ITGA5: variants seen among roughly 807,000 people sequenced by gnomAD.
ITGA5 encodes the protein integrin subunit alpha 5.
In ITGA5, 55 loss-of-function variants were observed where a neutral mutation model predicts 146.3. The ratio of observed to expected loss-of-function variants is 0.38; its 90% CI spans 0.30 to 0.47. The LOEUF is 0.47. Among genes scored for constraint, ITGA5 ranks in the 20% least tolerant of loss-of-function variants. The pLI, the probability that ITGA5 is intolerant of heterozygous loss-of-function variation, is 0.99. For missense variants in ITGA5, 1,131 were observed against 1,329.0 expected, an observed-to-expected ratio of 0.85 and a Z score of 2.32; for synonymous variants, 500 against 531.8, an observed-to-expected ratio of 0.94 and a Z score of 0.82.
At chr12:54,413,737 A>G (rs1955974948) in intron 1 of ITGA5, among the ~76,000 whole-genome samples, 1 of 152,232 alleles carries the variant, frequency 6.6e-6, no homozygotes, top group Non-Finnish European at 1.5e-5. Context: ...CTAGACCAGA[A>G]CAGCAGAGGT....
intron 1 of ITGA5, among the ~76,000 whole-genome samples, chr12:54,418,431 G>C (rs897660554): frequency 2.0e-5 from 3 of 151,990 alleles, no homozygotes; most frequent in East Asian, 1.9e-4. Context: ...CTGAGTTGAG[G>C]GGGGAGGGGA....
intron 6 of ITGA5, 106 bp from the exon 7 acceptor site, chr12:54,408,341 G>C: frequency 7.9e-7 from 1 of 1,262,186 alleles, no homozygotes; most frequent in Non-Finnish European, 1.1e-6. Context: ...TCAAGAAAGG[G>C]AAGCATGGGG....
At chr12:54,418,204 C>T (rs774796382) in intron 1 of ITGA5, among the ~76,000 whole-genome samples, 2 of 151,842 alleles carry the variant, frequency 1.3e-5, no homozygotes, top group Admixed American at 6.6e-5. Flanking sequence ...AAACCGCCCA[C>T]CCCCCTTCAC....
At chr12:54,413,968 G>A (rs143837640) in intron 1 of ITGA5, among the ~76,000 whole-genome samples, 143 of 152,334 alleles carry the variant, frequency 9.4e-4, no homozygotes, top group African/African-American at 3.3e-3. Context: ...ACACTCCTGG[G>A]GTGGCCTGAG....
At chr12:54,408,648 C>T (rs1269367246) in intron 6 of ITGA5, 108 bp downstream of exon 6, 5 of 1,010,836 alleles carry the variant, frequency 4.9e-6, no homozygotes, top group Non-Finnish European at 7.3e-6. Context: ...ATCGCTTGAA[C>T]CTGGGCAGCA....
chr12:54,403,590 C>T lies in ITGA5; in HGVS notation c.1776+35G>A. On this transcript the variant is annotated intron_variant, in intron 17 of 29. Transcript: ENST00000293379. This position sits in a 1 kb window ranked among gnomAD's most constrained non-coding sequence, Gnocchi z 4.9. ...CCCTCAGTTCTGTGTGGCCACCCTC[C>T]CTGGCCAGTCCACACCCCGCCCTCT... The T allele has an allele frequency of 6.3e-7, 1 of 1,597,040 alleles. No individual in the cohort carries two copies. The highest frequency in any genetic ancestry group is 1.1e-5 in the South Asian group (1 of 89,586).
At chr12:54,418,348 G>A (rs887877833) in intron 1 of ITGA5, among the ~76,000 whole-genome samples, 2 of 151,774 alleles carry the variant, frequency 1.3e-5, no homozygotes, top group African/African-American at 4.8e-5. Context: ...CAGAGATTGG[G>A]GGCGGAGGGA....
In ITGA5 at chr12:54,399,856, T is replaced by C. The variant is rs1955764095; in HGVS notation, c.2727+8A>G. The C allele has an allele frequency of 6.2e-7, 1 of 1,613,762 alleles. No individual in the cohort carries two copies. Among genetic ancestry groups the C allele is most frequent in the Non-Finnish European group, 8.5e-7 (1 of 1,179,626 alleles). On this transcript the variant is annotated splice_region_variant and intron_variant, in intron 26 of 29. Transcript: ENST00000293379. ...TTTGGTCCACACCTCATTCCCTGCC[T>C]GACTTACCAGGATCTGAGGTCCCGA... is the stretch of plus-strand genomic sequence containing the variant.
In ITGA5 at chr12:54,401,905, C is replaced by T. The variant is rs757803999; in HGVS notation, c.2227-50G>A. 1.0e-5 allele frequency: 16 copies of T among 1,599,032 alleles called. No homozygotes were observed. The South Asian group carries it at 1.7e-4, about 17-fold the overall frequency. ...AGGGCAGTTAGACTGTGTATTTCAC[C>T]CTCCCTCCGCACCTCACAGCTGTGC... On this transcript the variant is annotated intron_variant, in intron 21 of 29. Transcript: ENST00000293379. The surrounding 1 kb of genome is among the most constrained non-coding windows in gnomAD (Gnocchi z 5.0).
Position 54,405,286 on chromosome 12 carries a change from G to A in ITGA5, c.1105C>T (p.Leu369=), listed in dbSNP as rs1955849215. ...GGCTCTATGCCGGCTGGGTGCTGCA[G>A]GTAGACGTAGACCCTGCCCACCTCC... is the stretch of plus-strand genomic sequence containing the variant. The part of the protein sequence containing the change: ...PQEVGRVYVY[L]QHPAGIEPTP... Residue 369 remains leucine, a synonymous_variant, in exon 12 of 30, where the codon CTG becomes TTG. Coordinates refer to ENST00000293379, the MANE Select transcript of ITGA5 (RefSeq NM_002205.5). The A allele has an allele frequency of 1.9e-6, 3 of 1,613,746 alleles. No homozygotes were observed. Among genetic ancestry groups the A allele is most frequent in the Non-Finnish European group, 2.5e-6 (3 of 1,179,976 alleles).
In ITGA5 at chr12:54,403,013, C is replaced by G; in HGVS notation, c.1952G>C (p.Cys651Ser). The G allele has an allele frequency of 6.2e-7, 1 of 1,614,182 alleles. No homozygotes were observed. The highest frequency in any genetic ancestry group is 8.5e-7 in the Non-Finnish European group (1 of 1,180,040). Residue 651 changes from cysteine to serine, a missense_variant, in exon 19 of 30, where the codon TGT becomes TCT. Physicochemically the swap from Cys to Ser is moderately radical, Grantham distance 112. Transcript: ENST00000293379. The surrounding 1 kb of genome is among the most constrained non-coding windows in gnomAD (Gnocchi z 4.9). ...CACTTCCAGCTGCAGGTCAGGCACA[C>G]AGATGTTGTCTTCTCCACAGTCCAG... ...ILLDCGEDNI[C>S]VPDLQLEVFG...
Position 54,399,936 on chromosome 12 carries a change from C to T in ITGA5, c.2655G>A (p.Glu885=), listed in dbSNP as rs764349491. Residue 885 remains glutamate (E), a synonymous_variant, in exon 26 of 30, where the codon GAG becomes GAA. Transcript: ENST00000293379. ...INPKGLELDP[E]GSLHHQQKRE... is the part of the protein sequence containing the mutation. Reference sequence around the variant, plus strand: ...GTTTTTGCTGGTGGTGCAGGGAACCCTCGGGATCCAACTATAAAAGAAAGT... The same window carrying T: ...GTTTTTGCTGGTGGTGCAGGGAACCTTCGGGATCCAACTATAAAAGAAAGT... 5.0e-6 allele frequency: 8 copies of T among 1,613,762 alleles called. No individual in the cohort carries two copies. Among genetic ancestry groups the T allele is most frequent in the Non-Finnish European group, 6.8e-6 (8 of 1,179,794 alleles).
Position 54,419,162 on chromosome 12 carries a change from C to A in ITGA5, c.37G>T (p.Val13Leu), listed in dbSNP as rs762430573. The A allele has an allele frequency of 1.4e-4, 219 of 1,583,092 alleles. No homozygotes were observed. The highest frequency in any genetic ancestry group is 1.9e-4 in the Middle Eastern group (1 of 5,144). Residue 13 changes from valine (V) to leucine (L), a missense_variant, in exon 1 of 30, where the codon GTG becomes TTG. By Grantham distance (32) the Val-to-Leu change is conservative (BLOSUM62 1). This residue lies in a region of ITGA5 where 175 missense variants were observed against 179.3 expected (regional missense o/e 0.98). Transcript: ENST00000293379. ...SRTPESPLHA[V>L]QLRWGPRRRP... is the part of the protein sequence containing the mutation. ...CGCCGGGGGCCCCAGCGCAGCTGCACGGCGTGGAGAGGGGACTCTGGCGTC... is the reference window on the plus strand; with the variant it reads ...CGCCGGGGGCCCCAGCGCAGCTGCAAGGCGTGGAGAGGGGACTCTGGCGTC...
Position 54,403,279 on chromosome 12 carries a change from G to A in ITGA5, c.1822C>T (p.Leu608Phe), listed in dbSNP as rs746144783. ...RDKLSPIHIA[L>F]NFSLDPQAPV... ...GCTTGGGGGTCCAAGGAGAAGTTGA[G>A]AGCGATGTGAATCGGCGAGAGTTTG... The change falls in exon 18 of 30, where the codon CTC (leucine) becomes TTC (phenylalanine). Residue 608 changes from leucine (L) to phenylalanine (F), a missense_variant. Physicochemically the swap from Leu to Phe is conservative, Grantham distance 22. Transcript: ENST00000293379. The surrounding 1 kb of genome is among the most constrained non-coding windows in gnomAD (Gnocchi z 4.9). The A allele has an allele frequency of 8.3e-6, 13 of 1,559,332 alleles. No homozygotes were observed. Among genetic ancestry groups the A allele is most frequent in the East Asian group, 6.8e-5 (3 of 44,234 alleles).
In ITGA5 at chr12:54,409,630, G is replaced by T; in HGVS notation, c.350-33C>A. On this transcript the variant is annotated intron_variant, in intron 2 of 29. Transcript: ENST00000293379. This position sits in a 1 kb window ranked among gnomAD's most constrained non-coding sequence, Gnocchi z 4.7. Reference sequence around the variant, plus strand: ...AAGTGAGAAGGGGGAGTCTTACTGAGCCATGGACATTTGAGCTCTAGGGCA... The same window carrying T: ...AAGTGAGAAGGGGGAGTCTTACTGATCCATGGACATTTGAGCTCTAGGGCA... The T allele has an allele frequency of 6.8e-7, 1 of 1,478,736 alleles. No individual in the cohort carries two copies. Among genetic ancestry groups the T allele is most frequent in the Non-Finnish European group, 9.4e-7 (1 of 1,066,898 alleles). 91.6% of individuals were successfully genotyped at this position (1,478,736 alleles called of 1,614,324 possible).
chr12:54,402,583 C>T (rs1262156730), intron 19 of ITGA5, among the ~76,000 whole-genome samples: 1 of 151,962 alleles, frequency 6.6e-6, no homozygotes, highest in African/African-American at 2.4e-5. Flanking sequence ...CACCTGTAAT[C>T]CCAGCTACTT....
At chr12:54,407,757 C>A in intron 8 of ITGA5, 65 bp from the exon 9 acceptor site, 1 of 1,605,280 alleles carries the variant, frequency 6.2e-7, no homozygotes, top group South Asian at 1.1e-5. Flanking sequence ...TGGTAAGTGG[C>A]CAAGTTCATG....
Position 54,399,711 on chromosome 12 carries a change from G to A in ITGA5, c.2775C>T (p.Pro925=), listed in dbSNP as rs1051843978. 5 of 1,614,190 alleles carry A rather than the reference G, an allele frequency of 3.1e-6. No individual in the cohort carries two copies. Among genetic ancestry groups the A allele is most frequent in the Middle Eastern group, 1.6e-4 (1 of 6,062 alleles). Residue 925 remains proline, a synonymous_variant, in exon 27 of 30, where the codon CCC becomes CCT. Transcript: ENST00000293379. ...ECFRLRCELG[P]LHQQESQSLQ... ...GACTTTGGCTCTCTTGTTGGTGCAG[G>A]GGCCCGAGCTCACAGCGCAGCCTGA...
Position 54,400,980 on chromosome 12 carries a change from G to A in ITGA5, c.2509C>T (p.Pro837Ser). Residue 837 changes from proline (P) to serine (S), a missense_variant, in exon 25 of 30, where the codon CCC (proline) becomes TCC (serine). Transcript: ENST00000293379. ...AGCACACCCTGGCTAATGGAGCTGG[G>A]GCCTTGGTTGATGAGCTGAGGAGGG... ...HHVYELINQG[P>S]SSISQGVLEL... 6.2e-7 allele frequency: 1 copy of A among 1,613,806 alleles called. No homozygotes were observed. Among genetic ancestry groups the A allele is most frequent in the African/African-American group, 1.3e-5 (1 of 75,006 alleles).
Sources: allele counts gnomAD v4.1 joint callset (sites outside exome capture counted in the v4.1 genomes callset), GRCh38; gene constraint gnomAD v4.1.1; regional missense constraint gnomAD v4.1.1; non-coding constraint Gnocchi (gnomAD v3.1); transcripts MANE v1.5; gene names NCBI Gene and HGNC (gene_info 2026-07-23, HGNC 2026-07-21).